RBFOX1: variants seen among roughly 807,000 people sequenced by gnomAD.
RBFOX1 encodes RNA binding fox-1 homolog 1.
RBFOX1 carries 8 observed loss-of-function variants against 57.7 expected under a neutral mutation model. That is an observed-to-expected ratio of 0.14 (90% confidence interval 0.08 to 0.25). The LOEUF (loss-of-function observed/expected upper bound fraction) is 0.25. RBFOX1 is among the 10% of genes least tolerant of loss of function. The probability of loss-of-function intolerance (pLI) is 1.00; values close to 1 mark genes in which losing one functional copy is unlikely to be tolerated. For synonymous variants in RBFOX1, 326 were observed against 222.4 expected (o/e 1.47, Z -4.15); for missense variants, 611 against 548.5 (o/e 1.11, Z -1.14).
chr16:6,598,405 G>C lies in RBFOX1; in HGVS notation c.-63-56198G>C, dbSNP rs188602328. Reference sequence around the variant, plus strand: ...TAGGTAGATGTGAATTGATTGGCCAGTACAAAGTAAAAGTGTAACCAGTGT... The same window carrying C: ...TAGGTAGATGTGAATTGATTGGCCACTACAAAGTAAAAGTGTAACCAGTGT... On this transcript the variant is annotated intron_variant, in intron 2 of 15. Coordinates refer to ENST00000550418, the MANE Select transcript of RBFOX1 (RefSeq NM_018723.4). Among the ~76,000 whole-genome samples, 1,060 of 152,230 alleles carry C rather than the reference G, an allele frequency of 7.0e-3. 10 individuals carry two copies. Among genetic ancestry groups the C allele is most frequent in the Non-Finnish European group, 9.3e-3 (631 of 68,028 alleles).
chr16:5,984,180 C>CCCT (rs1347214464), intron 4 of RBFOX1, among the ~76,000 whole-genome samples: 6 of 73,656 alleles, frequency 8.1e-5, no homozygotes, highest in South Asian at 7.1e-4. Flanking sequence ...CTTCCCCTCC[C>CCCT]CCTCCTCCTC....
intron 4 of RBFOX1, among the ~76,000 whole-genome samples, chr16:7,164,006 T>A (rs1221864306): frequency 2.0e-5 from 3 of 151,982 alleles, no homozygotes; most frequent in African/African-American, 7.3e-5. Flanking sequence ...GAACAGGAGG[T>A]GTTTGGTTAC....
chr16:6,070,275 A>T (rs2095819887), intron 1 of RBFOX1, among the ~76,000 whole-genome samples: 1 of 152,188 alleles, frequency 6.6e-6, no homozygotes, highest in Admixed American at 6.5e-5. Context: ...TCATCCTAAA[A>T]ATAATTTCAG....
At chr16:5,346,312 A>C (rs1235597447) in intron 1 of RBFOX1, among the ~76,000 whole-genome samples, 1 of 152,234 alleles carries the variant, frequency 6.6e-6, no homozygotes, top group African/African-American at 2.4e-5. Flanking sequence ...CTTGCCTGGC[A>C]CATCTTCAGC....
At chr16:7,035,828 G>A (rs1460006089) in intron 3 of RBFOX1, among the ~76,000 whole-genome samples, 1 of 152,172 alleles carries the variant, frequency 6.6e-6, no homozygotes, top group East Asian at 1.9e-4. Flanking sequence ...TTTGTGTGAA[G>A]CATATGTCTT....
chr16:5,242,828 C>G (rs546362427), intron 1 of RBFOX1, among the ~76,000 whole-genome samples: 323 of 152,148 alleles, frequency 2.1e-3, no homozygotes, highest in African/African-American at 7.1e-3. Flanking sequence ...CTGGGTGTCC[C>G]TTGGAGTGGC....
At chr16:5,997,675 G>T (rs1304043878) in intron 4 of RBFOX1, among the ~76,000 whole-genome samples, 1 of 152,124 alleles carries the variant, frequency 6.6e-6, no homozygotes, top group Admixed American at 6.5e-5. Flanking sequence ...CTTTAAAGTT[G>T]GAAGAGGAAT....
At chr16:5,896,292 G>A (rs571647135) in intron 4 of RBFOX1, among the ~76,000 whole-genome samples, 1 of 152,226 alleles carries the variant, frequency 6.6e-6, no homozygotes, top group Admixed American at 6.5e-5. Flanking sequence ...TGTTGGAGGT[G>A]GGGCCTCCTG....
chr16:6,073,899 G>C (rs1393409605), intron 1 of RBFOX1, among the ~76,000 whole-genome samples: 1 of 152,060 alleles, frequency 6.6e-6, no homozygotes, highest in African/African-American at 2.4e-5. Context: ...TACACTATGG[G>C]TACTGGCTTA....
intron 4 of RBFOX1, among the ~76,000 whole-genome samples, chr16:7,218,798 A>T: frequency 6.6e-6 from 1 of 151,794 alleles, no homozygotes. Flanking sequence ...TGCACGATGC[A>T]ATCAGGAACC....
At chr16:5,250,728 G>T (rs1205761374) in intron 1 of RBFOX1, among the ~76,000 whole-genome samples, 1 of 152,172 alleles carries the variant, frequency 6.6e-6, no homozygotes, top group African/African-American at 2.4e-5. Flanking sequence ...CTCCCAGCAG[G>T]TATTCTGACG....
Position 7,031,449 on chromosome 16 carries a change from A to T in RBFOX1, c.-15-20608A>T, listed in dbSNP as rs187749034. Among the ~76,000 whole-genome samples, 226 of 152,136 alleles carry T rather than the reference A, an allele frequency of 1.5e-3. 1 individual carries two copies. The highest frequency in any genetic ancestry group is 4.3e-3 in the African/African-American group (179 of 41,500). On this transcript the variant is annotated intron_variant, in intron 3 of 15. Coordinates refer to ENST00000550418, the MANE Select transcript of RBFOX1 (RefSeq NM_018723.4). ...CGTCTCTACTAAAAATACAAAAATTAGCTAGGCATGGTGGCACATGCCTGT... is the reference window on the plus strand; with the variant it reads ...CGTCTCTACTAAAAATACAAAAATTTGCTAGGCATGGTGGCACATGCCTGT...
chr16:5,790,528 CAG>C (rs941394929), intron 3 of RBFOX1, among the ~76,000 whole-genome samples: 23 of 151,128 alleles, frequency 1.5e-4, no homozygotes, highest in African/African-American at 5.6e-4. Flanking sequence ...AAAAAGGACT[CAG>C]AATGTTCAGA....
chr16:7,285,219 G>C (rs567331098), intron 4 of RBFOX1, among the ~76,000 whole-genome samples: 3 of 151,148 alleles, frequency 2.0e-5, no homozygotes, highest in Non-Finnish European at 4.4e-5. Context: ...TTCACATGCA[G>C]CTGTAAGGAA....
chr16:5,822,567 G>A (rs2055893865), intron 3 of RBFOX1, among the ~76,000 whole-genome samples: 1 of 152,190 alleles, frequency 6.6e-6, no homozygotes, highest in Admixed American at 6.5e-5. Context: ...AGTATATTGT[G>A]CACTTAAAAT....
chr16:6,680,325 C>T (rs1438285799), intron 3 of RBFOX1, among the ~76,000 whole-genome samples: 1 of 141,012 alleles, frequency 7.1e-6, no homozygotes, highest in African/African-American at 2.7e-5. Context: ...TGCAGTGGCG[C>T]CATCTCAGCT....
chr16:6,030,627 G>A (rs2152386348), intron 1 of RBFOX1, among the ~76,000 whole-genome samples: 1 of 152,218 alleles, frequency 6.6e-6, no homozygotes, highest in Admixed American at 6.5e-5. Flanking sequence ...AACATTGAAA[G>A]GTATACATAA....
chr16:6,993,737 C>A (rs1373904763), intron 3 of RBFOX1, among the ~76,000 whole-genome samples: 1 of 152,076 alleles, frequency 6.6e-6, no homozygotes, highest in Non-Finnish European at 1.5e-5. Context: ...TGGCAGCAGC[C>A]CAGCTCCATG....
intron 3 of RBFOX1, among the ~76,000 whole-genome samples, chr16:6,709,220 C>T (rs1301717830): frequency 6.6e-6 from 1 of 152,066 alleles, no homozygotes; most frequent in Non-Finnish European, 1.5e-5. Flanking sequence ...CAAGTATAAA[C>T]CCACTGAATT....
Sources: gnomAD v4.1 joint callset for allele counts (sites outside exome capture counted in the v4.1 genomes callset) on GRCh38, gnomAD v4.1.1 for gene constraint, MANE v1.5 for transcripts, NCBI Gene and HGNC (gene_info 2026-07-23, HGNC 2026-07-21) for gene names.